Variants in RBMS3 observed in about 807,000 individuals in gnomAD.
RBMS3 encodes RNA binding motif single stranded interacting protein 3.
A neutral mutation model predicts 66.8 loss-of-function variants in RBMS3; 27 were observed. The observed-to-expected ratio is 0.40, with a 90% confidence interval of 0.30 to 0.56. The LOEUF is 0.56. Among genes scored for constraint, RBMS3 ranks in the 20% least tolerant of loss-of-function variants. RBMS3 has a pLI of 0.40. For synonymous variants in RBMS3, 188 were observed against 183.0 expected (o/e 1.03, Z -0.22); for missense variants, 513 against 549.5 (o/e 0.93, Z 0.66).
intron 6 of RBMS3, among the ~76,000 whole-genome samples, chr3:29,784,936 G>T (rs1002281415): frequency 1.3e-5 from 2 of 151,974 alleles, no homozygotes; most frequent in Non-Finnish European, 2.9e-5. Context: ...ACCTAGAGGA[G>T]ATGGATACAT....
intron 2 of RBMS3, among the ~76,000 whole-genome samples, chr3:29,446,913 T>G (rs1186084207): frequency 7.0e-6 from 1 of 142,822 alleles, no homozygotes; most frequent in East Asian, 2.0e-4. Flanking sequence ...AGTCTTTTTT[T>G]TTTTTTTTTT....
In RBMS3 at chr3:29,750,535, A is replaced by G. The variant is rs376039520; in HGVS notation, c.557+10658A>G. 8.5e-5 allele frequency among the ~76,000 whole-genome samples: 13 copies of G among 152,354 alleles called. No homozygotes were observed. The East Asian group carries it at 2.3e-3, about 27-fold the overall frequency. On this transcript the variant is annotated intron_variant, in intron 5 of 14. Coordinates refer to ENST00000383767, the MANE Select transcript of RBMS3 (RefSeq NM_001003793.3). ...TACATGTTAATACATGTATACTAAT[A>G]TAACTCAAACCTATTTTTCTAACTT...
chr3:29,517,833 T>C (rs2044705182), intron 3 of RBMS3, among the ~76,000 whole-genome samples: 1 of 152,202 alleles, frequency 6.6e-6, no homozygotes, highest in Non-Finnish European at 1.5e-5. Context: ...ATTGTAGTTG[T>C]GGGAAAAAAA....
intron 4 of RBMS3, among the ~76,000 whole-genome samples, chr3:29,700,860 A>ATG (rs3069930): frequency 0.91 from 137,122 of 151,328 alleles, 62,170 homozygotes; most frequent in East Asian, 1. Context: ...GATTATAAGC[A>ATG]TGTGTGTGTG....
chr3:29,807,801 TG>T (rs2057605338), intron 6 of RBMS3, among the ~76,000 whole-genome samples: 1 of 151,810 alleles, frequency 6.6e-6, no homozygotes, highest in African/African-American at 2.4e-5. Context: ...GGTGTGTGTG[TG>T]TGTGTGTGCA....
At chr3:29,752,582 A>G (rs1430360118) in intron 5 of RBMS3, among the ~76,000 whole-genome samples, 2 of 152,218 alleles carry the variant, frequency 1.3e-5, no homozygotes, top group African/African-American at 2.4e-5. Context: ...GGTTCTTCAT[A>G]TATGTTGCTA....
chr3:29,540,982 C>T (rs535431365), intron 3 of RBMS3, among the ~76,000 whole-genome samples: 33 of 152,160 alleles, frequency 2.2e-4, no homozygotes, highest in Non-Finnish European at 4.0e-4. Flanking sequence ...ATACCCGCAG[C>T]TAATCTTGTA....
chr3:29,630,867 C>G (rs2049258638), intron 4 of RBMS3, among the ~76,000 whole-genome samples: 1 of 151,938 alleles, frequency 6.6e-6, no homozygotes, highest in Admixed American at 6.6e-5. Flanking sequence ...TTGAACATTT[C>G]AGACCAATGG....
chr3:30,000,490 A>C (rs1354139085), intron 14 of RBMS3, among the ~76,000 whole-genome samples: 1 of 152,176 alleles, frequency 6.6e-6, no homozygotes, highest in Non-Finnish European at 1.5e-5. Flanking sequence ...GTGATTCCTC[A>C]AGGATCTAGA....
At chr3:29,721,646 T>A (rs373523926) in intron 4 of RBMS3, among the ~76,000 whole-genome samples, 9 of 152,158 alleles carry the variant, frequency 5.9e-5, no homozygotes, top group Admixed American at 3.9e-4. Flanking sequence ...TTCCATGTTG[T>A]GGATGAGGTT....
intron 4 of RBMS3, chr3:29,615,927 A>G (rs1247134518): frequency 3.3e-5 from 5 of 152,240 alleles, no homozygotes; most frequent in African/African-American, 1.2e-4. Flanking sequence ...AATGAGGAAT[A>G]GAAGTTCTTG....
intron 1 of RBMS3, among the ~76,000 whole-genome samples, chr3:29,395,833 C>T (rs568658541): frequency 1.7e-4 from 26 of 152,134 alleles, no homozygotes; most frequent in Non-Finnish European, 3.1e-4. Flanking sequence ...GTGTTTTCTG[C>T]TCCAACTTGG....
chr3:29,557,332 A>T (rs1383479696), intron 3 of RBMS3, among the ~76,000 whole-genome samples: 2 of 152,178 alleles, frequency 1.3e-5, no homozygotes, highest in African/African-American at 4.8e-5. Flanking sequence ...GCCTGTGTGT[A>T]TGTTGTTTTT....
intron 6 of RBMS3, among the ~76,000 whole-genome samples, chr3:29,772,773 C>A (rs756635008): frequency 7.2e-5 from 11 of 151,902 alleles, no homozygotes; most frequent in Non-Finnish European, 1.6e-4. Context: ...AATAAAGAAT[C>A]ATCTCAGAAT....
rs528140916 is a variant in RBMS3, at chr3:29,502,302, G to A, written c.307+13803G>A. 1.4e-4 allele frequency among the ~76,000 whole-genome samples: 21 copies of A among 152,148 alleles called. No individual in the cohort carries two copies. In the South Asian group the frequency reaches 3.7e-3, roughly 27 times the overall value. ...AACAAACCAGGAGATGCTGTGAAATGTGTCAAACATCAAATGGTCATCCAA... is the reference window on the plus strand; with the variant it reads ...AACAAACCAGGAGATGCTGTGAAATATGTCAAACATCAAATGGTCATCCAA... On this transcript the variant is annotated intron_variant, in intron 3 of 14. Coordinates refer to ENST00000383767, the MANE Select transcript of RBMS3 (RefSeq NM_001003793.3).
chr3:29,813,934 A>G (rs1376666910), intron 6 of RBMS3, among the ~76,000 whole-genome samples: 3 of 152,110 alleles, frequency 2.0e-5, no homozygotes, highest in Admixed American at 6.6e-5. Context: ...AAACAGGGAC[A>G]ATTTGACTTC....
At chr3:29,997,742 T>A (rs1699339996) in intron 14 of RBMS3, among the ~76,000 whole-genome samples, 1 of 152,050 alleles carries the variant, frequency 6.6e-6, no homozygotes, top group Non-Finnish European at 1.5e-5. Flanking sequence ...AAACTCTTAA[T>A]AAATTAGGTA....
At chr3:29,948,170 C>A (rs1302007160) in intron 12 of RBMS3, among the ~76,000 whole-genome samples, 2 of 151,554 alleles carry the variant, frequency 1.3e-5, no homozygotes, top group Non-Finnish European at 3.0e-5. Flanking sequence ...TATACTGGTC[C>A]AATAAGAAAT....
At chr3:29,798,050 G>T (rs1050278803) in intron 6 of RBMS3, among the ~76,000 whole-genome samples, 1 of 151,742 alleles carries the variant, frequency 6.6e-6, no homozygotes, top group Non-Finnish European at 1.5e-5. Flanking sequence ...GGAACATCTG[G>T]CCAGGAAAAG....
Sources: gnomAD v4.1 joint callset for allele counts (sites outside exome capture counted in the v4.1 genomes callset) on GRCh38, gnomAD v4.1.1 for gene constraint, MANE v1.5 for transcripts, NCBI Gene and HGNC (gene_info 2026-07-23, HGNC 2026-07-21) for gene names.